Variants in PLA2G5 observed in about 807,000 individuals in gnomAD.
PLA2G5 encodes Ca2+-dependent phospholipase A2.
PLA2G5 carries 12 observed loss-of-function variants against 15.9 expected under a neutral mutation model. The observed-to-expected ratio is 0.76, with a 90% CI of 0.48 to 1.23. The LOEUF is 1.23. Among genes scored for constraint, PLA2G5 ranks in the 50% most tolerant of loss-of-function variants. The probability of loss-of-function intolerance (pLI) is 0.00; values close to 1 mark genes in which losing one functional copy is unlikely to be tolerated. For synonymous variants in PLA2G5, 71 were observed against 71.4 expected (o/e 0.99, Z 0.03); for missense variants, 169 against 177.1 (o/e 0.95, Z 0.26).
intron 3 of PLA2G5, among the ~76,000 whole-genome samples, chr1:20,087,868 G>T (rs2016371799): frequency 6.6e-6 from 1 of 152,144 alleles, no homozygotes; most frequent in South Asian, 2.1e-4. Context: ...GACTGAAAGA[G>T]CCCCCAGTGG....
At chr1:20,062,098 T>A (rs2014764487) in intron 2 of PLA2G5, among the ~76,000 whole-genome samples, 1 of 152,204 alleles carries the variant, frequency 6.6e-6, no homozygotes, top group South Asian at 2.1e-4. Context: ...ATGACTAAGC[T>A]TCCTGAGGCC....
chr1:20,088,165 C>A (rs540116369), intron 3 of PLA2G5, among the ~76,000 whole-genome samples: 3 of 152,320 alleles, frequency 2.0e-5, no homozygotes, highest in Admixed American at 2.0e-4. Context: ...TGAGACCAGC[C>A]TGACCAATGT....
At chr1:20,044,174 TC>T (rs1458342184) in intron 1 of PLA2G5, among the ~76,000 whole-genome samples, 1 of 151,908 alleles carries the variant, frequency 6.6e-6, no homozygotes, top group Non-Finnish European at 1.5e-5. Context: ...ATGGAGGAGG[TC>T]CTGTAGGAAT....
intron 1 of PLA2G5, among the ~76,000 whole-genome samples, chr1:20,046,336 G>A (rs1431791995): frequency 6.6e-6 from 1 of 151,982 alleles, no homozygotes; most frequent in Non-Finnish European, 1.5e-5. Context: ...CCAAATTATG[G>A]GTAACAAAGC....
intron 1 of PLA2G5, among the ~76,000 whole-genome samples, chr1:20,078,631 G>A (rs2015829149): frequency 6.6e-6 from 1 of 152,156 alleles, no homozygotes; most frequent in Non-Finnish European, 1.5e-5. Context: ...GCACGTAGTA[G>A]ACACTTCATA....
intron 1 of PLA2G5, among the ~76,000 whole-genome samples, chr1:20,045,551 A>C (rs908881695): frequency 2.0e-5 from 3 of 152,206 alleles, no homozygotes; most frequent in African/African-American, 7.2e-5. Context: ...GAAGGGAGAG[A>C]TTGAAGGGTG....
intron 4 of PLA2G5, 30 bp from the exon 5 acceptor site, chr1:20,090,538 C>T: frequency 6.2e-7 from 1 of 1,613,332 alleles, no homozygotes; most frequent in South Asian, 1.1e-5. Flanking sequence ...CTCTTCCCAC[C>T]CTCATTCTGC....
rs1164317129 is a variant in PLA2G5, at chr1:20,084,867, T to G, written c.37T>G (p.Cys13Gly). Residue 13 changes from cysteine (C) to glycine (G), a missense_variant, in exon 2 of 5, where the codon TGT becomes GGT. Physicochemically the swap from Cys to Gly is radical, Grantham distance 159 (BLOSUM62 -3). Transcript: ENST00000375108. ...CCTCCCACTGGCTTGGTTCCTGGCT[T>G]GTAGTAAGTGCTGGCCCCGTGACCT... The part of the protein sequence containing the change: ...GLLPLAWFLA[C>G]SVPAVQGGLL... 1 of 1,607,110 alleles carries G rather than the reference T, an allele frequency of 6.2e-7. No individual in the cohort carries two copies. Among genetic ancestry groups the G allele is most frequent in the Non-Finnish European group, 8.5e-7 (1 of 1,173,598 alleles).
chr1:20,051,167 A>G (rs2014162502), intron 1 of PLA2G5, among the ~76,000 whole-genome samples: 1 of 152,196 alleles, frequency 6.6e-6, no homozygotes, highest in Non-Finnish European at 1.5e-5. Flanking sequence ...GTCTTTGACT[A>G]TGGCTGCCCT....
intron 4 of PLA2G5, 72 bp downstream of exon 4, chr1:20,089,967 G>A (rs2016488212): frequency 9.4e-7 from 1 of 1,061,246 alleles, no homozygotes; most frequent in Admixed American, 2.1e-5. Context: ...CTAGAGAACA[G>A]CCAGCCTGTA....
At chr1:20,047,718 TTGTGTGTGTGTG>T (rs57199460) in intron 1 of PLA2G5, among the ~76,000 whole-genome samples, 173 of 147,522 alleles carry the variant, frequency 1.2e-3, no homozygotes, top group Admixed American at 2.8e-3. Flanking sequence ...TATAGGATCT[TTGTGTGTGTGTG>T]TGTGTGTGTG....
intron 1 of PLA2G5, among the ~76,000 whole-genome samples, chr1:20,072,854 C>T (rs1355328329): frequency 2.0e-5 from 3 of 151,998 alleles, no homozygotes; most frequent in Non-Finnish European, 4.4e-5. Flanking sequence ...AAGGCCTGTT[C>T]CCACATCCCC....
At chr1:20,071,575 A>AGGGCAGGGGGTTGATCCAGTTCC (rs1553175268) in intron 1 of PLA2G5, among the ~76,000 whole-genome samples, 1 of 152,162 alleles carries the variant, frequency 6.6e-6, no homozygotes, top group Non-Finnish European at 1.5e-5. Flanking sequence ...GGGAGAGCTC[A>AGGGCAGGGGGTTGATCCAGTTCC]GGGCAGGGGG....
At chr1:20,038,900 C>A (rs1451354391) in intron 1 of PLA2G5, among the ~76,000 whole-genome samples, 2 of 152,178 alleles carry the variant, frequency 1.3e-5, no homozygotes, top group African/African-American at 4.8e-5. Flanking sequence ...CTTTTGGAGT[C>A]CTCCTATTCT....
At chr1:20,066,824 T>G (rs1201552938), upstream of PLA2G5, among the ~76,000 whole-genome samples, 1 of 152,012 alleles carries the variant, frequency 6.6e-6, no homozygotes, top group Non-Finnish European at 1.5e-5. Flanking sequence ...CAGAGCAACA[T>G]AGCAAGACCT....
Position 20,070,244 on chromosome 1 carries a change from T to G in PLA2G5, c.-232T>G, listed in dbSNP as rs1569766168. 1.0e-6 allele frequency: 1 copy of G among 985,566 alleles called. No individual in the cohort carries two copies. 61.1% of individuals were successfully genotyped at this position (985,566 alleles called of 1,614,324 possible). On this transcript the variant is annotated 5_prime_UTR_variant, in exon 1 of 5. Coordinates refer to ENST00000375108, the MANE Select transcript of PLA2G5 (RefSeq NM_000929.3). ...CCGGCTGGGTCCAGGCAGAAGTTTTTCCTCCCCACCTCCGGGTTTGTCCTC... is the reference window on the plus strand; with the variant it reads ...CCGGCTGGGTCCAGGCAGAAGTTTTGCCTCCCCACCTCCGGGTTTGTCCTC...
intron 1 of PLA2G5, among the ~76,000 whole-genome samples, chr1:20,036,839 A>T (rs1456408639): frequency 6.6e-6 from 1 of 151,764 alleles, no homozygotes; most frequent in Non-Finnish European, 1.5e-5. Flanking sequence ...CCAATTTTGT[A>T]TTTTTAGTAG....
Position 20,086,107 on chromosome 1 carries a change from T to C in PLA2G5, c.65T>C (p.Leu22Ser), listed in dbSNP as rs754846369. The change falls in exon 3 of 5, where the codon TTG becomes TCG. Residue 22 changes from leucine to serine, a missense_variant. Coordinates refer to ENST00000375108, the MANE Select transcript of PLA2G5 (RefSeq NM_000929.3). The stretch of plus-strand genomic sequence containing the variant: ...GGTGTGCCTGCTGTGCAAGGAGGCT[T>C]GCTGGACCTAAAATCAATGATCGAG... ...ACSVPAVQGG[L>S]LDLKSMIEKV... 6.2e-7 allele frequency: 1 copy of C among 1,614,086 alleles called. No individual in the cohort carries two copies. The highest frequency in any genetic ancestry group is 8.5e-7 in the Non-Finnish European group (1 of 1,179,996).
intron 1 of PLA2G5, among the ~76,000 whole-genome samples, chr1:20,079,727 C>A (rs2015901484): frequency 1.3e-5 from 2 of 152,158 alleles, no homozygotes; most frequent in African/African-American, 2.4e-5. Flanking sequence ...GCTCATAATT[C>A]TCATGTTTTA....
Sources: gnomAD v4.1 joint callset for allele counts (sites outside exome capture counted in the v4.1 genomes callset) on GRCh38, gnomAD v4.1.1 for gene constraint, MANE v1.5 for transcripts, NCBI Gene and HGNC (gene_info 2026-07-23, HGNC 2026-07-21) for gene names.